Variants in NELL2 observed in about 807,000 individuals in gnomAD.
NELL2 encodes neural EGFL like 2.
NELL2 carries 41 observed loss-of-function variants against 109.6 expected under a neutral mutation model. The ratio of observed to expected loss-of-function variants is 0.37; its 90% CI spans 0.29 to 0.49. The LOEUF is 0.49. NELL2 is among the 20% of genes least tolerant of loss of function. The pLI is 0.98. For missense variants in NELL2, 900 were observed against 1,008.3 expected, an observed-to-expected ratio of 0.89 and a Z score of 1.45; for synonymous variants, 355 against 344.7, an observed-to-expected ratio of 1.03 and a Z score of -0.33.
chr12:44,905,927 A>G (rs1021664923), intron 1 of NELL2, among the ~76,000 whole-genome samples: 2 of 152,146 alleles, frequency 1.3e-5, no homozygotes, highest in African/African-American at 4.8e-5. Context: ...GTCTAGGGGA[A>G]AAACAGGGAA....
intron 1 of NELL2, among the ~76,000 whole-genome samples, chr12:44,899,450 G>A (rs1461069692): frequency 6.6e-6 from 1 of 152,094 alleles, no homozygotes; most frequent in African/African-American, 2.4e-5. Flanking sequence ...GAGAGTGGGG[G>A]CCAATATTCA....
chr12:44,876,740 T>G, upstream of NELL2: 1 of 1,520,792 alleles, frequency 6.6e-7, no homozygotes, highest in Non-Finnish European at 8.8e-7. Flanking sequence ...ACTCGTGCAC[T>G]GGGCTCCGGA....
chr12:44,862,598 T>G (rs562344001), intron 2 of NELL2, among the ~76,000 whole-genome samples: 39 of 152,346 alleles, frequency 2.6e-4, no homozygotes, highest in African/African-American at 9.1e-4. Flanking sequence ...TGCTTCAGCC[T>G]CAAAAAGCAT....
chr12:44,566,530 TACTCACACAC>T (rs1377666078), intron 15 of NELL2, among the ~76,000 whole-genome samples: 3 of 58,440 alleles, frequency 5.1e-5, no homozygotes, highest in African/African-American at 2.1e-4. Context: ...ATATTACACA[TACTCACACAC>T]ACACACACAC....
At chr12:44,792,659 T>C (rs1301710334) in intron 3 of NELL2, among the ~76,000 whole-genome samples, 1 of 152,072 alleles carries the variant, frequency 6.6e-6, no homozygotes, top group Non-Finnish European at 1.5e-5. Flanking sequence ...ATCAACTAGA[T>C]GGATTTTTCT....
intron 2 of NELL2, among the ~76,000 whole-genome samples, chr12:44,842,109 G>GGAAGGAAGGAAGGAAGGAAGGA: frequency 2.6e-5 from 1 of 38,756 alleles, no homozygotes; most frequent in East Asian, 6.1e-4. Context: ...GGGAGGGAGG[G>GGAAGGAAGGAAGGAAGGAAGGA]AGGAAGGAAG....
intron 9 of NELL2, among the ~76,000 whole-genome samples, chr12:44,745,698 T>C (rs1458459186): frequency 6.6e-6 from 1 of 152,078 alleles, no homozygotes; most frequent in African/African-American, 2.4e-5. Flanking sequence ...CCATTCACAA[T>C]TGCTTCAAAG....
At chr12:44,746,085 G>C (rs949458012) in intron 9 of NELL2, among the ~76,000 whole-genome samples, 1 of 152,108 alleles carries the variant, frequency 6.6e-6, no homozygotes, top group African/African-American at 2.4e-5. Flanking sequence ...GCATGGTACT[G>C]GTACCAAAAC....
At chr12:44,893,892 C>A (rs1186701703) in intron 1 of NELL2, among the ~76,000 whole-genome samples, 1 of 152,090 alleles carries the variant, frequency 6.6e-6, no homozygotes, top group African/African-American at 2.4e-5. Flanking sequence ...AATCCCTAAT[C>A]CATTGTGAAT....
intron 2 of NELL2, among the ~76,000 whole-genome samples, chr12:44,860,941 A>G (rs1944823040): frequency 6.6e-6 from 1 of 152,174 alleles, no homozygotes; most frequent in South Asian, 2.1e-4. Context: ...AATCTCATCT[A>G]AATCTTAATT....
chr12:44,859,819 G>C (rs1159493238), intron 2 of NELL2, among the ~76,000 whole-genome samples: 1 of 152,172 alleles, frequency 6.6e-6, no homozygotes, highest in African/African-American at 2.4e-5. Flanking sequence ...TCACCTGCCA[G>C]AGCCTGTCAA....
chr12:44,531,704 C>G (rs1458473383), intron 16 of NELL2, among the ~76,000 whole-genome samples: 1 of 152,204 alleles, frequency 6.6e-6, no homozygotes, highest in Non-Finnish European at 1.5e-5. Flanking sequence ...TGTCAAGTAT[C>G]TTTAGGTTAG....
intron 9 of NELL2, among the ~76,000 whole-genome samples, chr12:44,745,015 C>G (rs982594098): frequency 5.3e-5 from 8 of 152,076 alleles, no homozygotes; most frequent in Admixed American, 2.6e-4. Flanking sequence ...GAGAATTTTA[C>G]ACCAATATCC....
chr12:44,833,932 C>A (rs1320331841), intron 2 of NELL2, among the ~76,000 whole-genome samples: 1 of 152,170 alleles, frequency 6.6e-6, no homozygotes, highest in Non-Finnish European at 1.5e-5. Context: ...AAACAAGCTG[C>A]TTTCTTCCAT....
At chr12:44,815,712 G>A (rs1943322055) in intron 3 of NELL2, among the ~76,000 whole-genome samples, 1 of 152,142 alleles carries the variant, frequency 6.6e-6, no homozygotes, top group Non-Finnish European at 1.5e-5. Context: ...TCCAACTCCT[G>A]GGTTCAATCA....
chr12:44,549,932 C>T (rs766253660), intron 15 of NELL2, among the ~76,000 whole-genome samples: 3 of 151,860 alleles, frequency 2.0e-5, no homozygotes, highest in Non-Finnish European at 2.9e-5. Context: ...CCCGGGATAG[C>T]CAAAGAAGTT....
chr12:44,748,854 C>A (rs115121443), intron 9 of NELL2, among the ~76,000 whole-genome samples: 3,176 of 152,180 alleles, frequency 0.021, 103 homozygotes, highest in African/African-American at 0.07. Flanking sequence ...CTGTTAATGA[C>A]TAGCAAAGAG....
intron 3 of NELL2, among the ~76,000 whole-genome samples, chr12:44,791,182 T>C (rs1942406394): frequency 5.3e-5 from 1 of 18,892 alleles, no homozygotes; most frequent in Non-Finnish European, 9.8e-5. Flanking sequence ...TAGTATTCCA[T>C]CATATATATA....
intron 13 of NELL2, among the ~76,000 whole-genome samples, chr12:44,644,603 T>TATACATAC (rs1491375793): frequency 1.1e-5 from 1 of 88,072 alleles, no homozygotes; most frequent in African/African-American, 5.6e-5. Flanking sequence ...TATATATATA[T>TATACATAC]GTATGTATAT....
Sources: gnomAD v4.1 joint callset for allele counts (sites outside exome capture counted in the v4.1 genomes callset) on GRCh38, gnomAD v4.1.1 for gene constraint, MANE v1.5 for transcripts, NCBI Gene and HGNC (gene_info 2026-07-23, HGNC 2026-07-21) for gene names.